CRPPA: variants seen among roughly 807,000 people sequenced by gnomAD.
CRPPA encodes the protein CDP-L-ribitol pyrophosphorylase A, also known as D-ribitol-5-phosphate cytidylyltransferase.
CRPPA carries 43 observed loss-of-function variants against 52.0 expected under a neutral mutation model. The observed-to-expected ratio is 0.83, with a 90% CI of 0.65 to 1.07. The LOEUF (loss-of-function observed/expected upper bound fraction) is 1.07, where lower values mean the gene tolerates loss of function less well. CRPPA is among the 50% of genes least tolerant of loss of function. The pLI is 0.00. For synonymous variants in CRPPA, 250 were observed against 203.5 expected (o/e 1.23, Z -1.94); for missense variants, 629 against 551.7 (o/e 1.14, Z -1.40).
intron 9 of CRPPA, among the ~76,000 whole-genome samples, chr7:16,142,850 T>A (rs1782899516): frequency 6.6e-6 from 1 of 152,222 alleles, no homozygotes; most frequent in Non-Finnish European, 1.5e-5. Flanking sequence ...CTAGTTCACC[T>A]ATAACTTACT....
At chr7:16,349,704 C>T (rs1210270570) in intron 3 of CRPPA, among the ~76,000 whole-genome samples, 2 of 151,592 alleles carry the variant, frequency 1.3e-5, no homozygotes, top group Non-Finnish European at 2.9e-5. Flanking sequence ...AGAAATCACA[C>T]AACCTAAGGA....
intron 8 of CRPPA, among the ~76,000 whole-genome samples, chr7:16,249,463 A>G (rs932539294): frequency 5.3e-5 from 8 of 152,210 alleles, no homozygotes; most frequent in African/African-American, 1.7e-4. Flanking sequence ...GCTGATGGAC[A>G]TCTCATACAG....
chr7:16,285,726 A>G (rs1476853631), intron 5 of CRPPA, among the ~76,000 whole-genome samples: 1 of 151,900 alleles, frequency 6.6e-6, no homozygotes, highest in African/African-American at 2.4e-5. Flanking sequence ...TATAATTGTC[A>G]GTTAAAATTA....
intron 9 of CRPPA, among the ~76,000 whole-genome samples, chr7:16,116,353 A>G (rs1230217046): frequency 6.6e-6 from 1 of 152,184 alleles, no homozygotes; most frequent in Non-Finnish European, 1.5e-5. Flanking sequence ...CCAAAAGTAC[A>G]AAGTCATGAA....
chr7:16,177,454 C>G (rs184047117), intron 9 of CRPPA, among the ~76,000 whole-genome samples: 1 of 151,928 alleles, frequency 6.6e-6, no homozygotes, highest in Non-Finnish European at 1.5e-5. Context: ...ATCAAGGTTG[C>G]GGAGATCAGA....
rs964920292 is a variant in CRPPA, at chr7:16,089,066, G to A, written c.*2629C>T. On this transcript the variant is annotated 3_prime_UTR_variant, in exon 10 of 10. Coordinates refer to ENST00000407010, the MANE Select transcript of CRPPA (RefSeq NM_001101426.4). Reference sequence around the variant, plus strand: ...CTATTCAGTCACATGATTTTGGCAAGGTAACTAAGATCCCTGAGCTCCAAT... The same window carrying A: ...CTATTCAGTCACATGATTTTGGCAAAGTAACTAAGATCCCTGAGCTCCAAT... 3 of 225,000 alleles carry A rather than the reference G, an allele frequency of 1.3e-5. No homozygotes were observed. The highest frequency in any genetic ancestry group is 2.9e-5 in the Non-Finnish European group (3 of 102,014). 13.9% of individuals were successfully genotyped at this position (225,000 alleles called of 1,614,324 possible). A position where few individuals can be genotyped will look rare whatever the true frequency, so the allele number is the denominator to read the frequency against.
chr7:16,323,760 T>G (rs1241955125), intron 3 of CRPPA, among the ~76,000 whole-genome samples: 2 of 152,090 alleles, frequency 1.3e-5, no homozygotes, highest in African/African-American at 4.8e-5. Flanking sequence ...CCATAGTAAA[T>G]TAATGCAATC....
intron 9 of CRPPA, among the ~76,000 whole-genome samples, chr7:16,101,221 A>G (rs1157689030): frequency 6.6e-6 from 1 of 152,182 alleles, no homozygotes; most frequent in Non-Finnish European, 1.5e-5. Context: ...GAGTTTCAGA[A>G]TAAATGGTAC....
intron 9 of CRPPA, among the ~76,000 whole-genome samples, chr7:16,186,189 C>T (rs1781501733): frequency 1.3e-5 from 2 of 152,158 alleles, no homozygotes; most frequent in African/African-American, 4.8e-5. Flanking sequence ...AATGTATGTG[C>T]TCCCTATACC....
chr7:16,342,102 G>A (rs370738254), intron 3 of CRPPA, among the ~76,000 whole-genome samples: 4 of 152,034 alleles, frequency 2.6e-5, no homozygotes, highest in East Asian at 3.9e-4. Context: ...CTAATCATGG[G>A]TTTCATGAGA....
intron 8 of CRPPA, among the ~76,000 whole-genome samples, chr7:16,218,244 G>C (rs1321532017): frequency 7.6e-6 from 1 of 130,912 alleles, no homozygotes; most frequent in African/African-American, 2.9e-5. Flanking sequence ...CAAATGCTGA[G>C]AGATTTTGTC....
At chr7:16,216,035 C>T (rs747967040) in intron 9 of CRPPA, 31 bp downstream of exon 9, 3 of 1,526,226 alleles carry the variant, frequency 2.0e-6, no homozygotes, top group Admixed American at 4.1e-5. Context: ...GTCTACAGAA[C>T]ATACATTCGG....
chr7:16,189,628 A>T (rs912834504), intron 9 of CRPPA, among the ~76,000 whole-genome samples: 1 of 152,204 alleles, frequency 6.6e-6, no homozygotes, highest in Non-Finnish European at 1.5e-5. Context: ...TACAACTGTT[A>T]TAATTTCATA....
chr7:16,330,618 C>T (rs1422963637), intron 3 of CRPPA, among the ~76,000 whole-genome samples: 5 of 152,118 alleles, frequency 3.3e-5, no homozygotes, highest in Admixed American at 2.6e-4. Context: ...CCGGGAAAAC[C>T]CAGTCACAGA....
rs1415890610 is a variant in CRPPA, at chr7:16,278,111, C to T, written c.933+18G>A. ...TTTGGCAATCAAAGTTTATCAAACT[C>T]AGTCTTTGAATACTTACATTTAATT... On this transcript the variant is annotated intron_variant, in intron 6 of 9. Coordinates refer to ENST00000407010, the MANE Select transcript of CRPPA (RefSeq NM_001101426.4). The T allele has an allele frequency of 7.7e-7, 1 of 1,306,182 alleles. No individual in the cohort carries two copies. The highest frequency in any genetic ancestry group is 1.5e-5 in the African/African-American group (1 of 68,340). The allele number at this position is 1,306,182 out of a possible 1,614,324, so 80.9% of individuals were successfully genotyped here.
intron 6 of CRPPA, chr7:16,269,876 A>T (rs1784051539): frequency 6.6e-6 from 1 of 152,186 alleles, no homozygotes; most frequent in Non-Finnish European, 1.5e-5. Context: ...GATGCTTTGC[A>T]AACATCATGT....
chr7:16,202,299 T>C (rs752773277), intron 9 of CRPPA, among the ~76,000 whole-genome samples: 1 of 152,196 alleles, frequency 6.6e-6, no homozygotes, highest in Non-Finnish European at 1.5e-5. Context: ...CACTATTCTG[T>C]TCATGTTTTA....
chr7:16,234,636 T>C (rs1782893221), intron 8 of CRPPA, among the ~76,000 whole-genome samples: 1 of 152,102 alleles, frequency 6.6e-6, no homozygotes. Flanking sequence ...ATCTGCCTCC[T>C]TCTTTTCTGC....
intron 6 of CRPPA, among the ~76,000 whole-genome samples, chr7:16,274,047 TTTTTG>T (rs990441158): frequency 2.4e-4 from 36 of 152,124 alleles, no homozygotes; most frequent in African/African-American, 8.7e-4. Context: ...TTTGTTTTTG[TTTTTG>T]TTTTGTTTTG....
Sources: allele counts gnomAD v4.1 joint callset (sites outside exome capture counted in the v4.1 genomes callset), GRCh38; gene constraint gnomAD v4.1.1; transcripts MANE v1.5; gene names NCBI Gene and HGNC (gene_info 2026-07-23, HGNC 2026-07-21).